Variants in NR2C2 observed in about 807,000 individuals in gnomAD.
NR2C2 encodes nuclear receptor subfamily 2 group C member 2, also known as Nuclear hormone receptor TR4.
A neutral mutation model predicts 62.9 loss-of-function variants in NR2C2; 6 were observed. The observed-to-expected ratio is 0.10, with a 90% CI of 0.05 to 0.19. NR2C2 has a LOEUF of 0.19. NR2C2 is among the 10% of genes least tolerant of loss of function. The pLI is 1.00. For missense variants in NR2C2, 479 were observed against 762.7 expected, an observed-to-expected ratio of 0.63 and a Z score of 4.38; for synonymous variants, 272 against 273.8, an observed-to-expected ratio of 0.99 and a Z score of 0.07.
Position 15,038,112 on chromosome 3 carries a change from T to C in NR2C2, c.1485T>C (p.Leu495=). Residue 495 remains leucine (L), a synonymous_variant, in exon 12 of 14, where the codon CTT becomes CTC. Transcript: ENST00000425241. ...TAGATGGCTATGAGTATGCATACCT[T>C]AAAGCTATAGTTCTCTTTAGCCCCG... ...LDIDGYEYAY[L]KAIVLFSPDH... is the part of the protein sequence containing the mutation. The C allele has an allele frequency of 6.2e-7, 1 of 1,613,744 alleles. No homozygotes were observed. The highest frequency in any genetic ancestry group is 8.5e-7 in the Non-Finnish European group (1 of 1,179,876).
rs376197132 is a variant in NR2C2, at chr3:15,030,344, G to A, written c.1002G>A (p.Gly334=). Residue 334 remains glycine (G), a synonymous_variant, in exon 9 of 14, where the codon GGG becomes GGA. Transcript: ENST00000425241. ...CCTCTTCTCCAAGCTTGGCAGATGG[G>A]ATAGACACCAGTGGAGGAGGGAGCA... ...DSSSSPSLAD[G]IDTSGGGSIH... 8.1e-6 allele frequency: 13 copies of A among 1,613,432 alleles called. No individual in the cohort carries two copies. The highest frequency in any genetic ancestry group is 1.1e-5 in the Non-Finnish European group (13 of 1,179,872).
chr3:14,983,656 A>G (rs1457897537), intron 1 of NR2C2, among the ~76,000 whole-genome samples: 2 of 152,136 alleles, frequency 1.3e-5, no homozygotes, highest in African/African-American at 2.4e-5. Context: ...AATGAGAATT[A>G]TTTGGTCCTT....
chr3:14,972,870 C>T (rs1336714492), intron 1 of NR2C2, among the ~76,000 whole-genome samples: 1 of 152,096 alleles, frequency 6.6e-6, no homozygotes, highest in Non-Finnish European at 1.5e-5. Flanking sequence ...ACAACCAGAT[C>T]TCATGGTAAC....
At chr3:15,021,037 A>ACCG in intron 5 of NR2C2, 105 bp downstream of exon 5, 1 of 1,099,956 alleles carries the variant, frequency 9.1e-7, no homozygotes, top group Non-Finnish European at 1.3e-6. Context: ...CTTTAAGAAA[A>ACCG]AAATATGCAC....
chr3:14,967,414 T>TA (rs1367604764), intron 1 of NR2C2, among the ~76,000 whole-genome samples: 1 of 152,052 alleles, frequency 6.6e-6, no homozygotes, highest in East Asian at 1.9e-4. Flanking sequence ...GGCTAGAATA[T>TA]AAAAATCAGA....
At chr3:15,038,178 T>C (rs375147611) in intron 12 of NR2C2, 41 bp downstream of exon 12, 38 of 1,571,410 alleles carry the variant, frequency 2.4e-5, no homozygotes, top group Non-Finnish European at 3.3e-5. Context: ...TTTCCACCTG[T>C]ATCTACTGAT....
In NR2C2 at chr3:15,034,932, A is replaced by G. The variant is rs1051733957; in HGVS notation, c.1372+123A>G. The G allele has an allele frequency of 5.9e-6, 6 of 1,021,200 alleles. No individual in the cohort carries two copies. In the African/African-American group the frequency reaches 9.8e-5, roughly 17 times the overall value. 63.3% of individuals were successfully genotyped at this position (1,021,200 alleles called of 1,614,324 possible). On this transcript the variant is annotated intron_variant, in intron 11 of 13. Transcript: ENST00000425241. ...ACCTTTGTTGACCCAGGCTGGCAAC[A>G]TAGCAAATTGGATAGCCTCAGTTTC...
At chr3:15,029,792 A>AATACATAGATAG (rs55834583) in intron 8 of NR2C2, among the ~76,000 whole-genome samples, 1,400 of 139,302 alleles carry the variant, frequency 0.01, 11 homozygotes, top group Non-Finnish European at 0.013. Context: ...GTAAATAAAT[A>AATACATAGATAG]ATAGATAGAT....
chr3:15,042,049 A>G (rs1450165042), intron 13 of NR2C2, among the ~76,000 whole-genome samples: 1 of 152,116 alleles, frequency 6.6e-6, no homozygotes, highest in Non-Finnish European at 1.5e-5. Context: ...CCTGCTAATG[A>G]AAAGGTAGGG....
chr3:14,971,412 C>G (rs2040037106), intron 1 of NR2C2, among the ~76,000 whole-genome samples: 2 of 151,764 alleles, frequency 1.3e-5, no homozygotes, highest in Admixed American at 1.3e-4. Context: ...GCCACCGTGC[C>G]TAGTCTTACA....
At chr3:15,001,679 C>G (rs1189335204) in intron 1 of NR2C2, among the ~76,000 whole-genome samples, 4 of 151,984 alleles carry the variant, frequency 2.6e-5, no homozygotes. Context: ...TGTAGTGACA[C>G]AATCATGGCT....
At chr3:15,034,639 A>C in intron 10 of NR2C2, 31 bp from the exon 11 acceptor site, 1 of 1,608,526 alleles carries the variant, frequency 6.2e-7, no homozygotes, top group African/African-American at 1.3e-5. Flanking sequence ...GCCAACACAC[A>C]CCACACTCAG....
chr3:14,965,254 C>A (rs2039805559), intron 1 of NR2C2, among the ~76,000 whole-genome samples: 1 of 152,080 alleles, frequency 6.6e-6, no homozygotes, highest in Non-Finnish European at 1.5e-5. Flanking sequence ...GTTAATTTTT[C>A]AAATATCTGT....
intron 1 of NR2C2, among the ~76,000 whole-genome samples, chr3:14,978,979 C>A (rs2040284907): frequency 6.6e-6 from 1 of 152,144 alleles, no homozygotes; most frequent in Non-Finnish European, 1.5e-5. Context: ...AGGGGCTGAG[C>A]CTTTCCAAGG....
At chr3:14,988,719 C>T (rs569318644) in intron 1 of NR2C2, among the ~76,000 whole-genome samples, 1 of 152,168 alleles carries the variant, frequency 6.6e-6, no homozygotes, top group Non-Finnish European at 1.5e-5. Flanking sequence ...ATCATCATCT[C>T]TTTTTTTTCC....
At chr3:15,029,944 A>G (rs1192620960) in intron 8 of NR2C2, among the ~76,000 whole-genome samples, 1 of 151,468 alleles carries the variant, frequency 6.6e-6, no homozygotes, top group East Asian at 2.0e-4. Flanking sequence ...AGGAAAAGAG[A>G]GAAAGAAAAG....
At chr3:14,993,622 C>T (rs752895589) in intron 1 of NR2C2, among the ~76,000 whole-genome samples, 7 of 152,124 alleles carry the variant, frequency 4.6e-5, no homozygotes, top group Non-Finnish European at 7.4e-5. Context: ...CCTCTGGTGC[C>T]ACTAGAACAT....
In NR2C2 at chr3:14,993,715, C is replaced by G. The variant is rs542588516; in HGVS notation, c.-39-10161C>G. On this transcript the variant is annotated intron_variant, in intron 1 of 13. Coordinates refer to ENST00000425241, the MANE Select transcript of NR2C2 (RefSeq NM_001291694.2). Reference sequence around the variant, plus strand: ...TCACTTCCAGAGTTAGTCGTCTTTTCACTGAATCTCAGGGCTATTCACTCA... The same window carrying G: ...TCACTTCCAGAGTTAGTCGTCTTTTGACTGAATCTCAGGGCTATTCACTCA... Among the ~76,000 whole-genome samples the G allele has an allele frequency of 1.9e-4, 29 of 152,250 alleles. 1 individual carries two copies. The East Asian group carries it at 3.5e-3, about 18-fold the overall frequency.
intron 11 of NR2C2, among the ~76,000 whole-genome samples, chr3:15,037,379 A>G (rs772739919): frequency 6.6e-6 from 1 of 152,130 alleles, no homozygotes; most frequent in African/African-American, 2.4e-5. Flanking sequence ...GGCCAGTTTT[A>G]TTTTTAACTG....
Sources: allele counts gnomAD v4.1 joint callset (sites outside exome capture counted in the v4.1 genomes callset), GRCh38; gene constraint gnomAD v4.1.1; transcripts MANE v1.5; gene names NCBI Gene and HGNC (gene_info 2026-07-23, HGNC 2026-07-21).